TANGO6: variants seen among roughly 807,000 people sequenced by gnomAD.
TANGO6 encodes the protein transport and golgi organization 6 homolog, also known as transport and Golgi organization protein 6 homolog.
A neutral mutation model predicts 114.2 loss-of-function variants in TANGO6; 90 were observed. The ratio of observed to expected loss-of-function variants is 0.79; its 90% CI spans 0.66 to 0.94. TANGO6 has a LOEUF of 0.94. Ranked by LOEUF, TANGO6 falls within the 40% of genes least tolerant of loss-of-function variation. TANGO6 has a pLI of 0.00. For missense variants in TANGO6, 1,274 were observed against 1,315.3 expected (o/e 0.97, Z 0.49); for synonymous variants, 477 against 509.8 (o/e 0.94, Z 0.87).
chr16:68,962,791 C>A (rs1212666917), intron 14 of TANGO6, among the ~76,000 whole-genome samples: 1 of 151,182 alleles, frequency 6.6e-6, no homozygotes, highest in Non-Finnish European at 1.5e-5. Context: ...AATAAAGAGT[C>A]AAAAAAGCGG....
intron 15 of TANGO6, among the ~76,000 whole-genome samples, chr16:69,016,746 G>A (rs988524737): frequency 7.2e-5 from 11 of 151,980 alleles, no homozygotes; most frequent in African/African-American, 2.4e-4. Context: ...TGCAACCTCC[G>A]CCTCCTGGGT....
At chr16:68,913,196 G>C (rs1015082941) in intron 11 of TANGO6, among the ~76,000 whole-genome samples, 5 of 151,594 alleles carry the variant, frequency 3.3e-5, no homozygotes, top group African/African-American at 1.2e-4. Context: ...CTCTCAAATA[G>C]CTGGGACTAC....
intron 1 of TANGO6, among the ~76,000 whole-genome samples, chr16:68,852,646 A>T (rs1162660010): frequency 1.3e-5 from 2 of 152,080 alleles, no homozygotes; most frequent in Non-Finnish European, 2.9e-5. Context: ...CCTGGGCAAC[A>T]TAGTGAGACC....
chr16:68,972,387 T>TA (rs1309235173), intron 14 of TANGO6, among the ~76,000 whole-genome samples: 1 of 152,074 alleles, frequency 6.6e-6, no homozygotes, highest in Non-Finnish European at 1.5e-5. Flanking sequence ...ACCTATAACA[T>TA]AAAAAACTGC....
intron 15 of TANGO6, chr16:69,007,292 C>CT: frequency 8.4e-6 from 1 of 119,422 alleles, no homozygotes; most frequent in African/African-American, 3.3e-5. Flanking sequence ...TTTTTCGAGA[C>CT]TGAGTTTCGC....
At chr16:68,963,517 TATAA>T (rs1439750193) in intron 14 of TANGO6, among the ~76,000 whole-genome samples, 2 of 152,222 alleles carry the variant, frequency 1.3e-5, no homozygotes, top group African/African-American at 4.8e-5. Context: ...TTTCTCTGTT[TATAA>T]ATAAAGTGCT....
chr16:68,903,418 A>G (rs1962809415), intron 9 of TANGO6, among the ~76,000 whole-genome samples: 1 of 151,792 alleles, frequency 6.6e-6, no homozygotes, highest in Admixed American at 6.6e-5. Flanking sequence ...TAGGAGTTTG[A>G]GACCAGCCTG....
chr16:68,989,369 G>A (rs773691813), intron 15 of TANGO6, among the ~76,000 whole-genome samples: 8 of 150,260 alleles, frequency 5.3e-5, no homozygotes, highest in African/African-American at 2.0e-4. Context: ...TTAGGTACAT[G>A]GACTCTTTCC....
chr16:69,062,787 TA>T (rs35731381), intron 17 of TANGO6, among the ~76,000 whole-genome samples: 1,159 of 113,718 alleles, frequency 0.01, 8 homozygotes, highest in Middle Eastern at 0.031. Flanking sequence ...AAAAGAAATT[TA>T]AAAAAAAAAA....
At chr16:69,078,645 T>C (rs918964583) in intron 17 of TANGO6, among the ~76,000 whole-genome samples, 15 of 152,228 alleles carry the variant, frequency 9.9e-5, no homozygotes, top group Admixed American at 7.9e-4. Flanking sequence ...AGAAGCCTTT[T>C]AAAGGCAAGA....
At chr16:69,033,547 C>T (rs1460731747) in intron 16 of TANGO6, 1 of 152,114 alleles carries the variant, frequency 6.6e-6, no homozygotes, top group East Asian at 1.9e-4. Flanking sequence ...CTTGTCAGGG[C>T]ATCAAGAAGG....
intron 1 of TANGO6, among the ~76,000 whole-genome samples, chr16:68,847,739 C>G (rs1244188537): frequency 2.0e-5 from 3 of 152,178 alleles, no homozygotes; most frequent in Non-Finnish European, 1.5e-5. Flanking sequence ...GTAGCTCACA[C>G]CTGTAATCCT....
rs1208997739 is a variant in TANGO6, at chr16:68,859,819, TC to T, written c.95-63del. On this transcript the variant is annotated intron_variant, in intron 1 of 17. Transcript: ENST00000261778. ...GGATGAACTGGAGTAGGCAGGGCAT[TC>T]CACAGGGGGAAGTGCAGCTTGTTTT... is the stretch of plus-strand genomic sequence containing the variant. 3 of 1,476,644 alleles carry T rather than the reference TC, an allele frequency of 2.0e-6. No homozygotes were observed. In the African/African-American group the frequency reaches 4.2e-5, roughly 21 times the overall value. The allele number at this position is 1,476,644 out of a possible 1,614,324, so 91.5% of individuals were successfully genotyped here.
intron 1 of TANGO6, 27 bp downstream of exon 1, chr16:68,843,738 C>A: frequency 6.2e-7 from 1 of 1,610,838 alleles, no homozygotes; most frequent in South Asian, 1.1e-5. Context: ...CCGCGCCGGG[C>A]TGGACCCGGG....
intron 11 of TANGO6, among the ~76,000 whole-genome samples, chr16:68,914,753 G>A (rs1962974807): frequency 6.6e-6 from 1 of 152,078 alleles, no homozygotes; most frequent in Non-Finnish European, 1.5e-5. Context: ...TGTATAGTAG[G>A]GGGAGGAGCT....
intron 15 of TANGO6, among the ~76,000 whole-genome samples, chr16:68,988,598 G>T (rs1451492198): frequency 1.3e-5 from 2 of 150,904 alleles, no homozygotes; most frequent in Non-Finnish European, 3.0e-5. Flanking sequence ...GAATGTTAAT[G>T]ATCTTAGCTT....
intron 17 of TANGO6, among the ~76,000 whole-genome samples, chr16:69,047,498 G>T (rs1444853078): frequency 6.7e-6 from 1 of 150,346 alleles, no homozygotes; most frequent in Non-Finnish European, 1.5e-5. Flanking sequence ...AAAAAAAAAA[G>T]GTGAGTGATT....
chr16:68,919,561 A>G (rs1158998992), intron 12 of TANGO6, among the ~76,000 whole-genome samples: 1 of 152,080 alleles, frequency 6.6e-6, no homozygotes, highest in Non-Finnish European at 1.5e-5. Flanking sequence ...TGTTTCTGCT[A>G]CTGTTGTTGG....
Position 68,968,458 on chromosome 16 carries a change from G to A in TANGO6, c.2702-5570G>A, listed in dbSNP as rs146302141. 1.5e-4 allele frequency among the ~76,000 whole-genome samples: 22 copies of A among 150,346 alleles called. 1 individual carries two copies. The East Asian group carries it at 4.0e-3, about 27-fold the overall frequency. ...TGGCTTACTGAAACCTCCACCTCCC[G>A]GGTTCAAGTGATTCTCCTGTCTCAG... On this transcript the variant is annotated intron_variant, in intron 14 of 17. Transcript: ENST00000261778.
Sources: allele counts gnomAD v4.1 joint callset (sites outside exome capture counted in the v4.1 genomes callset), GRCh38; gene constraint gnomAD v4.1.1; transcripts MANE v1.5; gene names NCBI Gene and HGNC (gene_info 2026-07-23, HGNC 2026-07-21).